EYS: variants seen among roughly 807,000 people sequenced by gnomAD.
EYS encodes the protein protein eyes shut homolog.
Under a neutral mutation model 282.1 loss-of-function variants are expected in EYS, and 250 were observed. That is an observed-to-expected ratio of 0.89 (90% CI 0.80 to 0.98). The LOEUF is 0.98. Ranked by LOEUF, EYS falls within the 50% of genes least tolerant of loss-of-function variation. EYS has a pLI of 0.00. For missense variants in EYS, 4,016 were observed against 3,709.0 expected, an observed-to-expected ratio of 1.08 and a Z score of -2.15; for synonymous variants, 1,355 against 1,282.9, an observed-to-expected ratio of 1.06 and a Z score of -1.20.
At chr6:64,643,795 C>G (rs1749357345) in intron 22 of EYS, among the ~76,000 whole-genome samples, 1 of 152,224 alleles carries the variant, frequency 6.6e-6, no homozygotes, top group Admixed American at 6.5e-5. Flanking sequence ...CTGCCATCCA[C>G]GTAAGACGTG....
chr6:65,542,793 C>A (rs974682298), intron 2 of EYS, among the ~76,000 whole-genome samples: 1 of 151,972 alleles, frequency 6.6e-6, no homozygotes, highest in African/African-American at 2.4e-5. Context: ...CTATTATGAG[C>A]AAATCTACCA....
chr6:65,564,506 A>C (rs548276354), intron 2 of EYS, among the ~76,000 whole-genome samples: 2 of 152,292 alleles, frequency 1.3e-5, no homozygotes, highest in East Asian at 3.9e-4. Context: ...CAAACCTGAC[A>C]AAAACAGGCA....
chr6:64,354,107 A>C (rs1018064716), intron 29 of EYS, among the ~76,000 whole-genome samples: 5 of 151,576 alleles, frequency 3.3e-5, no homozygotes, highest in Non-Finnish European at 7.4e-5. Context: ...AAAATTATAG[A>C]GTTCAGAGGT....
At chr6:63,967,352 C>A (rs1227108655) in intron 35 of EYS, among the ~76,000 whole-genome samples, 1 of 152,104 alleles carries the variant, frequency 6.6e-6, no homozygotes, top group African/African-American at 2.4e-5. Context: ...ACTGAAACCC[C>A]AAAAGTGAAA....
intron 19 of EYS, among the ~76,000 whole-genome samples, chr6:64,848,851 T>G (rs1453079214): frequency 1.3e-5 from 2 of 152,102 alleles, no homozygotes; most frequent in Non-Finnish European, 2.9e-5. Flanking sequence ...CTCAACAGAC[T>G]GTGCCTAGGC....
chr6:64,908,051 A>C (rs535905377), intron 16 of EYS, among the ~76,000 whole-genome samples: 5 of 152,306 alleles, frequency 3.3e-5, no homozygotes, highest in African/African-American at 1.2e-4. Flanking sequence ...AGAAATGAGA[A>C]AGCAGTGCTA....
At chr6:65,693,606 T>C (rs1769328330) in intron 1 of EYS, among the ~76,000 whole-genome samples, 1 of 149,874 alleles carries the variant, frequency 6.7e-6, no homozygotes, top group Non-Finnish European at 1.5e-5. Context: ...TGATATTTAA[T>C]ATTAGAGAAG....
At chr6:65,017,706 C>A (rs571998075) in intron 13 of EYS, among the ~76,000 whole-genome samples, 8 of 152,186 alleles carry the variant, frequency 5.3e-5, no homozygotes, top group Admixed American at 1.3e-4. Context: ...CATATCTGAG[C>A]ACAGACAAAA....
At chr6:65,472,922 G>A (rs1368477692) in intron 5 of EYS, among the ~76,000 whole-genome samples, 1 of 151,426 alleles carries the variant, frequency 6.6e-6, no homozygotes, top group East Asian at 1.9e-4. Flanking sequence ...AACTCCTAAG[G>A]TCCCTAGGTT....
At chr6:65,349,479 A>G (rs1470307808) in intron 9 of EYS, among the ~76,000 whole-genome samples, 3 of 151,516 alleles carry the variant, frequency 2.0e-5, no homozygotes, top group African/African-American at 4.8e-5. Flanking sequence ...CCAGTATAAT[A>G]TAAGTTTTTC....
At chr6:64,621,459 A>G (rs1767444118) in intron 23 of EYS, among the ~76,000 whole-genome samples, 1 of 152,138 alleles carries the variant, frequency 6.6e-6, no homozygotes, top group South Asian at 2.1e-4. Flanking sequence ...TTCTTAGTCT[A>G]ACTCTAGAAT....
chr6:65,283,072 A>T (rs1018253201), intron 12 of EYS, among the ~76,000 whole-genome samples: 2 of 151,988 alleles, frequency 1.3e-5, no homozygotes, highest in African/African-American at 4.8e-5. Context: ...TGCATAATTT[A>T]AAAAATTTGA....
chr6:64,251,651 T>C (rs1368166006), intron 30 of EYS, among the ~76,000 whole-genome samples: 1 of 152,208 alleles, frequency 6.6e-6, no homozygotes, highest in Non-Finnish European at 1.5e-5. Context: ...TGTTTTACTA[T>C]AAAACCAGTA....
chr6:65,317,159 C>T (rs1413324571), intron 11 of EYS, among the ~76,000 whole-genome samples: 1 of 151,806 alleles, frequency 6.6e-6, no homozygotes, highest in Non-Finnish European at 1.5e-5. Flanking sequence ...TTTATTTTAC[C>T]TCAATTGTTG....
At chr6:64,743,459 C>A (rs1224138847) in intron 22 of EYS, among the ~76,000 whole-genome samples, 2 of 151,466 alleles carry the variant, frequency 1.3e-5, no homozygotes, top group Admixed American at 1.3e-4. Context: ...TAATGATTTA[C>A]TGTCAATTTT....
chr6:64,752,062 GA>G (rs1314463272), intron 22 of EYS, among the ~76,000 whole-genome samples: 1 of 151,986 alleles, frequency 6.6e-6, no homozygotes, highest in African/African-American at 2.4e-5. Flanking sequence ...CTGGAACTAT[GA>G]AAACAACCAA....
intron 14 of EYS, among the ~76,000 whole-genome samples, chr6:64,950,191 T>G (rs1176195860): frequency 6.6e-6 from 1 of 151,880 alleles, no homozygotes; most frequent in South Asian, 2.1e-4. Flanking sequence ...ATGAGGAAAA[T>G]GTATTCAAGA....
chr6:64,415,403 G>C (rs1774028366), intron 28 of EYS, among the ~76,000 whole-genome samples: 1 of 152,146 alleles, frequency 6.6e-6, no homozygotes, highest in Admixed American at 6.6e-5. Flanking sequence ...TATTCAAACT[G>C]CATCTATGTA....
At chr6:64,585,194 A>G (rs2149827241) in intron 26 of EYS, among the ~76,000 whole-genome samples, 1 of 152,226 alleles carries the variant, frequency 6.6e-6, no homozygotes, top group Non-Finnish European at 1.5e-5. Flanking sequence ...TGAGGCCCTT[A>G]TCCTAAGTGA....
Sources: allele counts gnomAD v4.1 joint callset (sites outside exome capture counted in the v4.1 genomes callset), GRCh38; gene constraint gnomAD v4.1.1; transcripts MANE v1.5; gene names NCBI Gene and HGNC (gene_info 2026-07-23, HGNC 2026-07-21).